CPNE4: variants seen among roughly 807,000 people sequenced by gnomAD.
CPNE4 encodes the protein copine 4, also known as copine-4.
In CPNE4, 25 loss-of-function variants were observed where a neutral mutation model predicts 67.9. The observed-to-expected ratio is 0.37, with a 90% CI of 0.27 to 0.51. The LOEUF is 0.51. CPNE4 is among the 20% of genes least tolerant of loss of function. The probability of loss-of-function intolerance (pLI) is 0.93; values close to 1 mark genes in which losing one functional copy is unlikely to be tolerated. For missense variants in CPNE4, 464 were observed against 690.8 expected, an observed-to-expected ratio of 0.67 and a Z score of 3.68; for synonymous variants, 242 against 244.9, an observed-to-expected ratio of 0.99 and a Z score of 0.11.
chr3:131,973,542 G>A (rs1441825243), intron 1 of CPNE4, among the ~76,000 whole-genome samples: 1 of 152,094 alleles, frequency 6.6e-6, no homozygotes, highest in Non-Finnish European at 1.5e-5. Flanking sequence ...CATCTCCATT[G>A]GCAAACAAGG....
At chr3:131,607,984 T>A (rs1010586950) in intron 7 of CPNE4, among the ~76,000 whole-genome samples, 4 of 152,280 alleles carry the variant, frequency 2.6e-5, no homozygotes, top group African/African-American at 9.6e-5. Context: ...ATTCTATACA[T>A]CTACTACATT....
chr3:131,848,981 A>AAAAAAC (rs1297906130), intron 2 of CPNE4, among the ~76,000 whole-genome samples: 5 of 141,668 alleles, frequency 3.5e-5, no homozygotes, highest in Admixed American at 7.4e-5. Flanking sequence ...AAAAAAAAAA[A>AAAAAAC]ACACAGAGAT....
At chr3:131,594,562 C>T (rs1403211948) in intron 7 of CPNE4, among the ~76,000 whole-genome samples, 2 of 152,080 alleles carry the variant, frequency 1.3e-5, no homozygotes, top group Non-Finnish European at 2.9e-5. Context: ...GGATTAAAGA[C>T]TGAAACATAA....
At chr3:131,994,240 A>G (rs2073236908) in intron 1 of CPNE4, among the ~76,000 whole-genome samples, 1 of 136,636 alleles carries the variant, frequency 7.3e-6, no homozygotes, top group African/African-American at 2.5e-5. Context: ...GGATTGGAAG[A>G]TTTAATATTG....
chr3:132,015,988 A>G (rs2073881224), intron 1 of CPNE4, among the ~76,000 whole-genome samples: 1 of 152,256 alleles, frequency 6.6e-6, no homozygotes, highest in South Asian at 2.1e-4. Context: ...ATAACCATAC[A>G]TTTGCTATGA....
chr3:131,740,034 A>AT (rs924280762), intron 2 of CPNE4, among the ~76,000 whole-genome samples: 1 of 152,218 alleles, frequency 6.6e-6, no homozygotes, highest in Non-Finnish European at 1.5e-5. Context: ...CACAGAACCA[A>AT]TTGGCTTCTT....
At chr3:131,896,480 T>A (rs1461634597) in intron 2 of CPNE4, among the ~76,000 whole-genome samples, 2 of 151,986 alleles carry the variant, frequency 1.3e-5, no homozygotes, top group African/African-American at 4.8e-5. Context: ...ACAATGTACA[T>A]CCCCTACAAA....
At chr3:131,862,616 C>T (rs578138263) in intron 2 of CPNE4, among the ~76,000 whole-genome samples, 1 of 151,990 alleles carries the variant, frequency 6.6e-6, no homozygotes, top group East Asian at 1.9e-4. Flanking sequence ...TACTATCTGG[C>T]CTCAATTCAC....
At chr3:131,666,606 T>C (rs574471417) in intron 7 of CPNE4, among the ~76,000 whole-genome samples, 4 of 152,304 alleles carry the variant, frequency 2.6e-5, no homozygotes, top group African/African-American at 9.6e-5. Context: ...AAAGGAATTA[T>C]AATAACTGAA....
At chr3:131,680,808 A>T (rs562074376) in intron 6 of CPNE4, among the ~76,000 whole-genome samples, 11 of 152,258 alleles carry the variant, frequency 7.2e-5, no homozygotes, top group Admixed American at 2.0e-4. Flanking sequence ...GTAGTCTTTT[A>T]TCGCTCAACC....
chr3:131,952,478 G>T (rs956007244), intron 1 of CPNE4, among the ~76,000 whole-genome samples: 1 of 90,770 alleles, frequency 1.1e-5, no homozygotes, highest in East Asian at 3.5e-4. Context: ...AGGTGGGGGG[G>T]TCAGCGCCCC....
chr3:131,624,058 T>G (rs1186724563), intron 7 of CPNE4, among the ~76,000 whole-genome samples: 1 of 152,146 alleles, frequency 6.6e-6, no homozygotes, highest in Non-Finnish European at 1.5e-5. Context: ...CCTCCTTAGT[T>G]TTGGGTGCCT....
At chr3:132,022,132 T>C (rs894689502) in intron 1 of CPNE4, among the ~76,000 whole-genome samples, 17 of 152,186 alleles carry the variant, frequency 1.1e-4, no homozygotes, top group Admixed American at 1.0e-3. Context: ...AGGGCAGACA[T>C]GGACATGTAG....
chr3:132,027,816 CT>C (rs1241594758), intron 1 of CPNE4, among the ~76,000 whole-genome samples: 1 of 86,318 alleles, frequency 1.2e-5, no homozygotes, highest in African/African-American at 4.4e-5. Flanking sequence ...TAAAAGCCTT[CT>C]TTGTCTTTAA....
At chr3:131,535,956 T>C (rs1935120506) in intron 15 of CPNE4, among the ~76,000 whole-genome samples, 2 of 152,204 alleles carry the variant, frequency 1.3e-5, no homozygotes, top group Admixed American at 6.5e-5. Flanking sequence ...GACTAACTTA[T>C]CTTGGAGGCT....
chr3:131,735,940 C>G (rs1453894753), intron 2 of CPNE4, among the ~76,000 whole-genome samples: 1 of 152,214 alleles, frequency 6.6e-6, no homozygotes, highest in Non-Finnish European at 1.5e-5. Flanking sequence ...AAGCTTCTAT[C>G]TGAAGCCAAA....
At chr3:131,708,993 TATAC>T (rs1204117372) in intron 3 of CPNE4, among the ~76,000 whole-genome samples, 1 of 104,964 alleles carries the variant, frequency 9.5e-6, no homozygotes, top group African/African-American at 3.7e-5. Flanking sequence ...TATATATATA[TATAC>T]ATACACACAT....
At chr3:131,757,136 G>A (rs1258015771) in intron 2 of CPNE4, among the ~76,000 whole-genome samples, 3 of 152,182 alleles carry the variant, frequency 2.0e-5, no homozygotes, top group Non-Finnish European at 4.4e-5. Context: ...TTGCTGAAAA[G>A]ATACCTGAAA....
chr3:131,595,994 T>G (rs1306101768), intron 7 of CPNE4, among the ~76,000 whole-genome samples: 1 of 152,156 alleles, frequency 6.6e-6, no homozygotes, highest in Non-Finnish European at 1.5e-5. Context: ...GGTGGCGAAC[T>G]GGGGAGTTGT....
Sources: gnomAD v4.1 joint callset for allele counts (sites outside exome capture counted in the v4.1 genomes callset) on GRCh38, gnomAD v4.1.1 for gene constraint, MANE v1.5 for transcripts, NCBI Gene and HGNC (gene_info 2026-07-23, HGNC 2026-07-21) for gene names.